Variants in EAPP observed in about 807,000 individuals in gnomAD.
EAPP encodes the protein E2F associated phosphoprotein, also known as E2F-associated phosphoprotein.
In EAPP, 38 loss-of-function variants were observed where a neutral mutation model predicts 34.3. The ratio of observed to expected loss-of-function variants is 1.11; its 90% CI spans 0.85 to 1.45. EAPP has a LOEUF of 1.45. Ranked by LOEUF, EAPP falls within the 40% of genes most tolerant of loss-of-function variation. EAPP has a pLI of 0.00. For synonymous variants in EAPP, 113 were observed against 117.6 expected, an observed-to-expected ratio of 0.96 and a Z score of 0.25; for missense variants, 338 against 343.7, an observed-to-expected ratio of 0.98 and a Z score of 0.13.
Position 34,516,173 on chromosome 14 carries a change from G to T in EAPP, c.*137C>A. 2 of 812,970 alleles carry T rather than the reference G, an allele frequency of 2.5e-6. No homozygotes were observed. Among genetic ancestry groups the T allele is most frequent in the African/African-American group, 1.7e-5 (1 of 58,164 alleles). The allele number at this position is 812,970 out of a possible 1,614,324, so 50.4% of individuals were successfully genotyped here. Reference sequence around the variant, plus strand: ...TGAGAGATGTAAGAGATGAATGAAGGTTGACAACTATTCTCCTTTAAAAAG... The same window carrying T: ...TGAGAGATGTAAGAGATGAATGAAGTTTGACAACTATTCTCCTTTAAAAAG... On this transcript the variant is annotated 3_prime_UTR_variant, in exon 6 of 6. Coordinates refer to ENST00000250454, the MANE Select transcript of EAPP (RefSeq NM_018453.4).
intron 5 of EAPP, among the ~76,000 whole-genome samples, chr14:34,518,055 G>A (rs572624004): frequency 7.2e-5 from 11 of 152,196 alleles, no homozygotes; most frequent in African/African-American, 2.6e-4. Context: ...TTACAGGTGT[G>A]AGCCACCATG....
At chr14:34,522,204 C>T (rs569719278) in intron 5 of EAPP, among the ~76,000 whole-genome samples, 1 of 152,262 alleles carries the variant, frequency 6.6e-6, no homozygotes, top group East Asian at 1.9e-4. Flanking sequence ...AAGCCATCCT[C>T]CCAGCTTGGC....
chr14:34,516,861 A>G (rs912921248), intron 5 of EAPP, among the ~76,000 whole-genome samples: 2 of 151,874 alleles, frequency 1.3e-5, no homozygotes, highest in African/African-American at 4.8e-5. Flanking sequence ...AAGCCACTGC[A>G]CCAGGCAGAA....
rs1180287446 is a variant in EAPP, at chr14:34,529,353, C to A, written c.470+5G>T. The A allele has an allele frequency of 4.5e-6, 7 of 1,550,320 alleles. No homozygotes were observed. The highest frequency in any genetic ancestry group is 6.2e-6 in the Non-Finnish European group (7 of 1,128,856). On this transcript the variant is annotated splice_donor_5th_base_variant and intron_variant, in intron 4 of 5. Transcript: ENST00000250454. The stretch of plus-strand genomic sequence containing the variant: ...AGATTCTAAATATTAACTTTAAGTT[C>A]TTACCCCCTTCTCTGTGCATCAACC...
chr14:34,531,846 G>A (rs541805818), intron 3 of EAPP, among the ~76,000 whole-genome samples: 2 of 152,004 alleles, frequency 1.3e-5, no homozygotes, highest in East Asian at 1.9e-4. Context: ...GGAGGCCGAG[G>A]TGGGTGGATC....
intron 2 of EAPP, chr14:34,535,722 G>A (rs184665335): frequency 2.4e-3 from 386 of 160,294 alleles, no homozygotes; most frequent in African/African-American, 8.8e-3. Flanking sequence ...GTGAGCCACC[G>A]TGCCCGGCCC....
rs756204803 is a variant in EAPP, at chr14:34,529,358, C to A, written c.470G>T (p.Gly157Val). The change falls in exon 4 of 6, where the codon GGT (glycine) becomes GTT (valine). Residue 157 changes from glycine to valine, a missense_variant and splice_region_variant. By Grantham distance (109) the Gly-to-Val change is moderately radical. Transcript: ENST00000250454. ...CTAAATATTAACTTTAAGTTCTTAC[C>A]CCCTTCTCTGTGCATCAACCCAGGC... ...DQAWVDAQRR[G>V]YHGLGPQRSR... 2 of 1,578,788 alleles carry A rather than the reference C, an allele frequency of 1.3e-6. No homozygotes were observed. The highest frequency in any genetic ancestry group is 1.7e-6 in the Non-Finnish European group (2 of 1,153,174).
chr14:34,526,705 T>A (rs771962137), intron 4 of EAPP, among the ~76,000 whole-genome samples: 45 of 150,636 alleles, frequency 3.0e-4, no homozygotes, highest in Admixed American at 6.0e-4. Flanking sequence ...CTGGGCAACA[T>A]AGCAAGACCT....
chr14:34,538,378 CAAAA>C (rs1247204959), intron 1 of EAPP, among the ~76,000 whole-genome samples: 2 of 72,488 alleles, frequency 2.8e-5, no homozygotes, highest in East Asian at 8.4e-4. Flanking sequence ...GACTCTGTCT[CAAAA>C]TAAATAAATA....
rs1056344823 is a variant in EAPP, at chr14:34,529,708, C to T, written c.353-233G>A. On this transcript the variant is annotated intron_variant, in intron 3 of 5. Transcript: ENST00000250454. ...CAGCCTGGACAACATGGCGAAACCCCGTCTCTACTAAAAATACAAAATTAG... is the reference window on the plus strand; with the variant it reads ...CAGCCTGGACAACATGGCGAAACCCTGTCTCTACTAAAAATACAAAATTAG... Among the ~76,000 whole-genome samples the T allele has an allele frequency of 1.4e-4, 22 of 151,972 alleles. No individual in the cohort carries two copies. Among genetic ancestry groups the T allele is most frequent in the Non-Finnish European group, 2.5e-4 (17 of 68,018 alleles).
At chr14:34,536,307 A>G (rs760988801) in intron 1 of EAPP, 32 bp from the exon 2 acceptor site, 39 of 1,503,164 alleles carry the variant, frequency 2.6e-5, no homozygotes, top group Non-Finnish European at 3.4e-5. Context: ...AAGAATATGA[A>G]TATTTAAAAA....
At chr14:34,536,460 T>G (rs1880480904) in intron 1 of EAPP, 185 bp from the exon 2 acceptor site, 1 of 32,250 alleles carries the variant, frequency 3.1e-5, no homozygotes, top group Non-Finnish European at 5.9e-5. Context: ...CTTCTTTAAT[T>G]TTTTTTTTTT....
chr14:34,523,358 C>T (rs1474438779), intron 5 of EAPP, among the ~76,000 whole-genome samples: 1 of 151,662 alleles, frequency 6.6e-6, no homozygotes, highest in African/African-American at 2.4e-5. Context: ...CTGCCTCAGC[C>T]TCCGGAGTAG....
chr14:34,538,304 A>T (rs1266716004), intron 1 of EAPP, among the ~76,000 whole-genome samples: 1 of 152,172 alleles, frequency 6.6e-6, no homozygotes, highest in Non-Finnish European at 1.5e-5. Context: ...GCTGGAACCC[A>T]GGAGGTGGAG....
chr14:34,518,931 G>A (rs1216020269), intron 5 of EAPP, among the ~76,000 whole-genome samples: 1 of 152,146 alleles, frequency 6.6e-6, no homozygotes, highest in Non-Finnish European at 1.5e-5. Flanking sequence ...GCCACTGTCT[G>A]CCTTTAAATT....
chr14:34,524,670 T>G, intron 5 of EAPP, 27 bp downstream of exon 5: 1 of 1,144,616 alleles, frequency 8.7e-7, no homozygotes, highest in Non-Finnish European at 1.3e-6. Context: ...TGTGTGTGTG[T>G]GTGTGTGTGT....
At position 34,521,528 on chromosome 14, in the gene EAPP, C is replaced by CT. The variant is rs567087811; in HGVS notation, c.581+3168dup. On this transcript the variant is annotated intron_variant, in intron 5 of 5. Transcript: ENST00000250454. ...CTCTGATTGTGCATTTTCAAACAGT[C>CT]TATCTTTAAGCTCACTGATTCTTTC... Among the ~76,000 whole-genome samples the CT allele has an allele frequency of 2.3e-4, 35 of 152,088 alleles. No homozygotes were observed. In the East Asian group the frequency reaches 5.4e-3, roughly 23 times the overall value.
intron 2 of EAPP, among the ~76,000 whole-genome samples, chr14:34,534,552 T>C (rs1204830271): frequency 6.6e-6 from 1 of 152,202 alleles, no homozygotes; most frequent in Non-Finnish European, 1.5e-5. Flanking sequence ...TGATGATACA[T>C]AATTAAATCT....
intron 2 of EAPP, among the ~76,000 whole-genome samples, chr14:34,535,132 G>A (rs1357923536): frequency 2.3e-5 from 3 of 131,496 alleles, no homozygotes; most frequent in African/African-American, 7.6e-5. Flanking sequence ...CACCACGCCT[G>A]GCCTTTTTTT....
Sources: allele counts gnomAD v4.1 joint callset (sites outside exome capture counted in the v4.1 genomes callset), GRCh38; gene constraint gnomAD v4.1.1; transcripts MANE v1.5; gene names NCBI Gene and HGNC (gene_info 2026-07-23, HGNC 2026-07-21).